The following NDUFA12 variants were observed in gnomAD, a reference collection of about 807,000 sequenced individuals.
NDUFA12 encodes the protein NADH:ubiquinone oxidoreductase subunit A12, also known as NADH dehydrogenase [ubiquinone] 1 alpha subcomplex subunit 12.
Under a neutral mutation model 20.3 loss-of-function variants are expected in NDUFA12, and 17 were observed. That is an observed-to-expected ratio of 0.84 (90% CI 0.57 to 1.26). The LOEUF (loss-of-function observed/expected upper bound fraction) is 1.26, where lower values mean the gene tolerates loss of function less well. NDUFA12 is among the 50% of genes most tolerant of loss of function. The pLI is 0.00. For synonymous variants in NDUFA12, 72 were observed against 63.6 expected, an observed-to-expected ratio of 1.13 and a Z score of -0.63; for missense variants, 191 against 183.7, an observed-to-expected ratio of 1.04 and a Z score of -0.23.
At chr12:94,988,931 T>A (rs1874542161) in intron 3 of NDUFA12, among the ~76,000 whole-genome samples, 2 of 152,148 alleles carry the variant, frequency 1.3e-5, no homozygotes, top group Non-Finnish European at 2.9e-5. Context: ...TCTACATGAT[T>A]TGGGCCCTAG....
intron 3 of NDUFA12, among the ~76,000 whole-genome samples, chr12:94,980,292 C>G (rs1442772276): frequency 6.6e-6 from 1 of 152,154 alleles, no homozygotes; most frequent in Non-Finnish European, 1.5e-5. Context: ...CCCTACCAAC[C>G]CGCCCTTCTA....
At chr12:94,997,098 C>T (rs1874858160) in intron 2 of NDUFA12, 1 of 259,390 alleles carries the variant, frequency 3.9e-6, no homozygotes, top group Non-Finnish European at 7.5e-6. Flanking sequence ...TCCAGCTCCT[C>T]AGGAGGCTAA....
At chr12:95,002,093 C>A (rs1372023620) in intron 2 of NDUFA12, among the ~76,000 whole-genome samples, 1 of 151,890 alleles carries the variant, frequency 6.6e-6, no homozygotes, top group East Asian at 1.9e-4. Context: ...TCCAAAAAGA[C>A]TGCATTAACC....
chr12:94,975,608 G>A (rs932646208), intron 3 of NDUFA12, among the ~76,000 whole-genome samples: 1 of 152,048 alleles, frequency 6.6e-6, no homozygotes, highest in Non-Finnish European at 1.5e-5. Flanking sequence ...AAGGAAATGA[G>A]GATATGAATA....
intron 3 of NDUFA12, among the ~76,000 whole-genome samples, chr12:94,975,480 C>G (rs1336003938): frequency 6.6e-6 from 1 of 152,176 alleles, no homozygotes; most frequent in African/African-American, 2.4e-5. Flanking sequence ...TACTCATATA[C>G]TATTCAATAT....
intron 3 of NDUFA12, 102 bp from the exon 4 acceptor site, chr12:94,971,722 C>CAA (rs932876052): frequency 2.4e-5 from 30 of 1,267,436 alleles, no homozygotes; most frequent in African/African-American, 2.9e-5. Context: ...TGCTTGGGTT[C>CAA]AAGCCTCAAC....
chr12:94,979,163 G>A (rs7307138), intron 3 of NDUFA12, among the ~76,000 whole-genome samples: 132,248 of 152,106 alleles, frequency 0.87, 57,593 homozygotes, highest in Admixed American at 0.9. Flanking sequence ...AGGAGTTCAA[G>A]GCTGTAGTGT....
intron 3 of NDUFA12, among the ~76,000 whole-genome samples, chr12:94,979,504 T>C (rs1022647087): frequency 6.6e-6 from 1 of 152,002 alleles, no homozygotes; most frequent in Non-Finnish European, 1.5e-5. Context: ...GCAAGTAAAA[T>C]GGAGTATGGT....
chr12:94,980,586 T>TA (rs11352462), intron 3 of NDUFA12, among the ~76,000 whole-genome samples: 6 of 150,704 alleles, frequency 4.0e-5, no homozygotes, highest in Non-Finnish European at 5.9e-5. Flanking sequence ...TATTTTCTGT[T>TA]AAAAAAAAAA....
intron 3 of NDUFA12, among the ~76,000 whole-genome samples, chr12:94,978,765 T>C (rs1021136206): frequency 1.3e-5 from 2 of 152,194 alleles, no homozygotes; most frequent in African/African-American, 4.8e-5. Context: ...TATTTATAAA[T>C]TGAACCTCAA....
chr12:94,984,736 A>AAAAAAAAAAC (rs36013656), intron 3 of NDUFA12, among the ~76,000 whole-genome samples: 1 of 74,160 alleles, frequency 1.3e-5, no homozygotes, highest in Non-Finnish European at 2.4e-5. Flanking sequence ...ACAACAAAAA[A>AAAAAAAAAAC]CCCATATATA....
At chr12:95,000,248 T>C (rs1478157692) in intron 2 of NDUFA12, among the ~76,000 whole-genome samples, 1 of 152,170 alleles carries the variant, frequency 6.6e-6, no homozygotes, top group Non-Finnish European at 1.5e-5. Flanking sequence ...TATCGTATGT[T>C]CTCACTTACA....
chr12:94,992,296 T>C (rs928024287), intron 3 of NDUFA12, among the ~76,000 whole-genome samples: 4 of 152,220 alleles, frequency 2.6e-5, no homozygotes, highest in Non-Finnish European at 5.9e-5. Flanking sequence ...CATACAAATT[T>C]TAGAGACCTA....
intron 2 of NDUFA12, among the ~76,000 whole-genome samples, chr12:95,002,080 C>T (rs965886382): frequency 1.3e-5 from 2 of 151,784 alleles, no homozygotes; most frequent in Non-Finnish European, 2.9e-5. Flanking sequence ...ACCAAATTAT[C>T]CCTCCAAAAA....
At chr12:95,002,672 G>T in intron 2 of NDUFA12, 67 bp downstream of exon 2, 1 of 1,174,482 alleles carries the variant, frequency 8.5e-7, no homozygotes, top group Non-Finnish European at 1.3e-6. Context: ...TGCATAATAT[G>T]GAAAATAGAC....
chr12:94,996,324 T>TACAC (rs71075891), intron 2 of NDUFA12, among the ~76,000 whole-genome samples: 2,333 of 141,246 alleles, frequency 0.017, 28 homozygotes, highest in Middle Eastern at 0.03. Context: ...CATATATAGG[T>TACAC]ACACACACAC....
chr12:94,992,677 T>C (rs1874682221), intron 3 of NDUFA12, among the ~76,000 whole-genome samples: 1 of 152,222 alleles, frequency 6.6e-6, no homozygotes, highest in Admixed American at 6.5e-5. Flanking sequence ...AGCACTTGCC[T>C]GTGTCAGCCC....
intron 2 of NDUFA12, among the ~76,000 whole-genome samples, chr12:95,000,234 C>T (rs540587820): frequency 6.6e-6 from 1 of 152,192 alleles, no homozygotes; most frequent in South Asian, 2.1e-4. Flanking sequence ...AATGATAAAC[C>T]AAATATCGTA....
chr12:94,995,608 C>T (rs1874797273), intron 2 of NDUFA12, among the ~76,000 whole-genome samples: 1 of 152,138 alleles, frequency 6.6e-6, no homozygotes, highest in Non-Finnish European at 1.5e-5. Context: ...CGGCTCACTG[C>T]CTGCAACCTC....
Sources: allele counts gnomAD v4.1 joint callset (sites outside exome capture counted in the v4.1 genomes callset), GRCh38; gene constraint gnomAD v4.1.1; transcripts MANE v1.5; gene names NCBI Gene and HGNC (gene_info 2026-07-23, HGNC 2026-07-21).